SIAH3: variants seen among roughly 807,000 people sequenced by gnomAD.
The protein encoded by SIAH3 is siah E3 ubiquitin protein ligase family member 3.
SIAH3 carries 9 observed loss-of-function variants against 12.6 expected under a neutral mutation model. That is an observed-to-expected ratio of 0.72 (90% confidence interval 0.43 to 1.25). The LOEUF is 1.25. Among genes scored for constraint, SIAH3 ranks in the 50% most tolerant of loss-of-function variants. The pLI is 0.00. For synonymous variants in SIAH3, 154 were observed against 151.1 expected (o/e 1.02, Z -0.14); for missense variants, 390 against 365.4 (o/e 1.07, Z -0.55).
At chr13:45,787,796 G>A (rs1950533267) in intron 1 of SIAH3, among the ~76,000 whole-genome samples, 1 of 152,196 alleles carries the variant, frequency 6.6e-6, no homozygotes, top group Non-Finnish European at 1.5e-5. Flanking sequence ...ACCCAGCTAT[G>A]TGCTTTAGGG....
intron 1 of SIAH3, among the ~76,000 whole-genome samples, chr13:45,809,937 C>T (rs1472879336): frequency 1.3e-5 from 2 of 152,162 alleles, no homozygotes; most frequent in East Asian, 1.9e-4. Flanking sequence ...AAAACCAAAC[C>T]AAGAAATCTG....
chr13:45,788,954 C>T (rs1311449795), intron 1 of SIAH3, among the ~76,000 whole-genome samples: 2 of 152,082 alleles, frequency 1.3e-5, no homozygotes, highest in African/African-American at 2.4e-5. Context: ...GGAGAATGAG[C>T]AGGTTGAGGT....
chr13:45,851,345 C>T, intron 1 of SIAH3, 150 bp downstream of exon 1: 4 of 1,004,742 alleles, frequency 4.0e-6, no homozygotes, highest in Non-Finnish European at 6.0e-6. Context: ...GAGAGTGAGC[C>T]GAGGCAAACA....
chr13:45,823,173 T>C (rs906643396), intron 1 of SIAH3, among the ~76,000 whole-genome samples: 7 of 152,000 alleles, frequency 4.6e-5, no homozygotes, highest in Non-Finnish European at 8.8e-5. Context: ...CGCTTTAGAG[T>C]GGTGATTTCT....
intron 1 of SIAH3, among the ~76,000 whole-genome samples, chr13:45,822,449 A>G (rs1950658973): frequency 6.7e-6 from 1 of 149,420 alleles, no homozygotes; most frequent in Non-Finnish European, 1.5e-5. Flanking sequence ...TTCTGATCTA[A>G]GCTTCAGTTA....
chr13:45,811,322 A>G (rs1950615621), intron 1 of SIAH3, among the ~76,000 whole-genome samples: 1 of 152,168 alleles, frequency 6.6e-6, no homozygotes, highest in Non-Finnish European at 1.5e-5. Context: ...GGCCATGGTG[A>G]GGGCAATGAA....
intron 1 of SIAH3, among the ~76,000 whole-genome samples, chr13:45,844,714 A>C (rs548131001): frequency 6.6e-6 from 1 of 152,234 alleles, no homozygotes; most frequent in Non-Finnish European, 1.5e-5. Context: ...GTACTGAGGA[A>C]GCCGAATATC....
rs987061420 is a variant in SIAH3 at position 45,777,427 on chromosome 13, C to T, written c.*5956G>A. 3.3e-5 allele frequency: 5 copies of T among 151,906 alleles called. No homozygotes were observed. In the South Asian group the frequency reaches 1.0e-3, roughly 32 times the overall value. The allele number at this position is 151,906 out of a possible 1,614,324, so 9.4% of individuals were successfully genotyped here. A position where few individuals can be genotyped will look rare whatever the true frequency, so the allele number is the denominator to read the frequency against. Reference sequence around the variant, plus strand: ...TTCCTTTCTCTTTCTTATCTCAATACCCTAAAAAAAAGACTGAAAAAGGTT... The same window carrying T: ...TTCCTTTCTCTTTCTTATCTCAATATCCTAAAAAAAAGACTGAAAAAGGTT... On this transcript the variant is annotated 3_prime_UTR_variant, in exon 2 of 2. Coordinates refer to ENST00000400405, the MANE Select transcript of SIAH3 (RefSeq NM_198849.3).
intron 1 of SIAH3, among the ~76,000 whole-genome samples, chr13:45,833,444 C>T (rs1240661997): frequency 6.6e-6 from 1 of 151,922 alleles, no homozygotes; most frequent in Non-Finnish European, 1.5e-5. Flanking sequence ...TTCTACATGG[C>T]GCTCATAGCT....
At chr13:45,832,750 C>T (rs1381697303) in intron 1 of SIAH3, among the ~76,000 whole-genome samples, 2 of 152,170 alleles carry the variant, frequency 1.3e-5, no homozygotes, top group Non-Finnish European at 2.9e-5. Flanking sequence ...GAGCTTCATA[C>T]TATTTTTTAT....
chr13:45,811,900 G>A (rs953348226), intron 1 of SIAH3, among the ~76,000 whole-genome samples: 6 of 152,208 alleles, frequency 3.9e-5, no homozygotes, highest in African/African-American at 1.4e-4. Flanking sequence ...TGTCTCCGAA[G>A]AACCAGACAA....
At chr13:45,791,240 G>A (rs1278958035) in intron 1 of SIAH3, among the ~76,000 whole-genome samples, 8 of 152,166 alleles carry the variant, frequency 5.3e-5, no homozygotes, top group Non-Finnish European at 1.0e-4. Context: ...GTCATTGAGG[G>A]CAGAGGTTAA....
intron 1 of SIAH3, among the ~76,000 whole-genome samples, chr13:45,804,879 C>CA (rs1434139113): frequency 2.0e-5 from 3 of 150,976 alleles, no homozygotes; most frequent in African/African-American, 4.9e-5. Flanking sequence ...TTTTAGGATA[C>CA]AAAATCAATG....
intron 1 of SIAH3, among the ~76,000 whole-genome samples, chr13:45,811,093 T>C (rs973719629): frequency 6.6e-6 from 1 of 152,224 alleles, no homozygotes. Flanking sequence ...CAAAGTTACT[T>C]AACCTCTCAG....
intron 1 of SIAH3, among the ~76,000 whole-genome samples, chr13:45,810,821 C>T (rs2137563980): frequency 6.6e-6 from 1 of 152,256 alleles, no homozygotes. Context: ...TGCCATGGAC[C>T]TTTTAGTGAG....
intron 1 of SIAH3, among the ~76,000 whole-genome samples, chr13:45,826,425 A>C (rs1479795787): frequency 0.16 from 139 of 874 alleles, 66 homozygotes; most frequent in East Asian, 0.71. Context: ...GGATGGATGG[A>C]TGGATGAATG....
chr13:45,794,926 G>A (rs1022843161), intron 1 of SIAH3, among the ~76,000 whole-genome samples: 1 of 149,810 alleles, frequency 6.7e-6, no homozygotes, highest in African/African-American at 2.5e-5. Context: ...TTTCCCTTAA[G>A]GCCTTCTAGC....
At chr13:45,821,795 C>G (rs532926068) in intron 1 of SIAH3, among the ~76,000 whole-genome samples, 3 of 152,246 alleles carry the variant, frequency 2.0e-5, no homozygotes, top group African/African-American at 7.2e-5. Flanking sequence ...AGTCAAGAGA[C>G]AGTTTGTTGC....
At chr13:45,816,992 C>G (rs1950636982) in intron 1 of SIAH3, among the ~76,000 whole-genome samples, 1 of 152,186 alleles carries the variant, frequency 6.6e-6, no homozygotes, top group Admixed American at 6.5e-5. Context: ...ACTCTCCTTA[C>G]TAGCTAATGC....
Sources: gnomAD v4.1 joint callset for allele counts (sites outside exome capture counted in the v4.1 genomes callset) on GRCh38, gnomAD v4.1.1 for gene constraint, MANE v1.5 for transcripts, NCBI Gene and HGNC (gene_info 2026-07-23, HGNC 2026-07-21) for gene names.